CALN1: variants seen among roughly 807,000 people sequenced by gnomAD.
The protein encoded by CALN1 is calcium-binding protein 8.
Under a neutral mutation model 30.6 loss-of-function variants are expected in CALN1, and 17 were observed. That is an observed-to-expected ratio of 0.56 (90% CI 0.38 to 0.83). CALN1 has a LOEUF of 0.83. Among genes scored for constraint, CALN1 ranks in the 40% least tolerant of loss-of-function variants. CALN1 has a pLI of 0.00. For missense variants in CALN1, 291 were observed against 354.9 expected, an observed-to-expected ratio of 0.82 and a Z score of 1.45; for synonymous variants, 156 against 131.4, an observed-to-expected ratio of 1.19 and a Z score of -1.28.
At chr7:71,888,096 G>T (rs1005454851) in intron 5 of CALN1, among the ~76,000 whole-genome samples, 2 of 152,102 alleles carry the variant, frequency 1.3e-5, no homozygotes, top group Admixed American at 6.5e-5. Context: ...AAAAGCATAG[G>T]ATGGAATAAG....
At chr7:72,204,211 G>A (rs1308843984) in intron 3 of CALN1, among the ~76,000 whole-genome samples, 1 of 150,602 alleles carries the variant, frequency 6.6e-6, no homozygotes, top group East Asian at 2.0e-4. Flanking sequence ...TAGCCAGGAT[G>A]GTCTCCATCT....
chr7:72,121,145 A>G (rs2129542214), intron 3 of CALN1, among the ~76,000 whole-genome samples: 1 of 145,748 alleles, frequency 6.9e-6, no homozygotes, highest in Admixed American at 7.0e-5. Flanking sequence ...TATGAATTAT[A>G]TATTATATAT....
At chr7:72,113,684 C>A (rs1807735836) in intron 3 of CALN1, among the ~76,000 whole-genome samples, 1 of 152,212 alleles carries the variant, frequency 6.6e-6, no homozygotes, top group African/African-American at 2.4e-5. Flanking sequence ...CACTGGTTGT[C>A]TATTTTCTCC....
chr7:71,852,872 T>C (rs1419264216), intron 5 of CALN1, among the ~76,000 whole-genome samples: 2 of 152,250 alleles, frequency 1.3e-5, no homozygotes, highest in African/African-American at 4.8e-5. Context: ...TCTTGTGAAA[T>C]AACTAGATGT....
At chr7:72,012,025 G>C (rs1460410389) in intron 5 of CALN1, among the ~76,000 whole-genome samples, 1 of 152,098 alleles carries the variant, frequency 6.6e-6, no homozygotes, top group African/African-American at 2.4e-5. Context: ...AGGATAAGTA[G>C]ATTGAATAAA....
Position 71,957,830 on chromosome 7 carries a change from C to T in CALN1, c.501+65827G>A, listed in dbSNP as rs553162999. Among the ~76,000 whole-genome samples, 12 of 151,886 alleles carry T rather than the reference C, an allele frequency of 7.9e-5. No homozygotes were observed. The South Asian group carries it at 1.9e-3, about 24-fold the overall frequency. On this transcript the variant is annotated intron_variant, in intron 5 of 6. Transcript: ENST00000395275. ...TTCTAATCCCAGCACTTTGGGAGGC[C>T]GAAGCAGGCAGATCACCTGGGGTCA...
chr7:71,944,234 C>T (rs1796283217), intron 5 of CALN1, among the ~76,000 whole-genome samples: 2 of 152,048 alleles, frequency 1.3e-5, no homozygotes, highest in Non-Finnish European at 1.5e-5. Flanking sequence ...ATCACTTGAG[C>T]CCAGGAGTTC....
At chr7:72,096,614 C>T (rs1806252917) in intron 4 of CALN1, among the ~76,000 whole-genome samples, 2 of 152,144 alleles carry the variant, frequency 1.3e-5, no homozygotes. Flanking sequence ...CCTGGTTCGA[C>T]TGTTTCAGGA....
intron 4 of CALN1, among the ~76,000 whole-genome samples, chr7:72,094,689 T>C (rs953305344): frequency 2.6e-5 from 4 of 152,146 alleles, no homozygotes; most frequent in African/African-American, 9.7e-5. Context: ...GGGCATACTG[T>C]AGAAGACAGA....
chr7:71,948,750 A>AGAG (rs1562928434), intron 5 of CALN1, among the ~76,000 whole-genome samples: 8 of 143,852 alleles, frequency 5.6e-5, no homozygotes, highest in African/African-American at 1.8e-4. Flanking sequence ...AAAAATAATA[A>AGAG]TTTGTTTTCA....
At chr7:72,216,378 G>T (rs563661627) in intron 3 of CALN1, among the ~76,000 whole-genome samples, 4 of 151,642 alleles carry the variant, frequency 2.6e-5, no homozygotes, top group African/African-American at 9.7e-5. Flanking sequence ...TTGTACCACT[G>T]CACTCCAGCC....
At chr7:72,060,766 C>T (rs367964322) in intron 4 of CALN1, among the ~76,000 whole-genome samples, 3 of 152,146 alleles carry the variant, frequency 2.0e-5, no homozygotes, top group Admixed American at 6.5e-5. Flanking sequence ...CTGGGATCTC[C>T]CCCGTCTCTC....
chr7:72,146,243 C>T (rs1786710825), intron 3 of CALN1, among the ~76,000 whole-genome samples: 1 of 152,186 alleles, frequency 6.6e-6, no homozygotes. Context: ...AGCCCAAAAT[C>T]TCCTTAAGCT....
At chr7:72,111,153 T>C (rs574903861) in intron 3 of CALN1, among the ~76,000 whole-genome samples, 1 of 152,306 alleles carries the variant, frequency 6.6e-6, no homozygotes, top group African/African-American at 2.4e-5. Flanking sequence ...CGTTAGACAC[T>C]AGTATGCCAA....
chr7:72,194,592 CTTTTTTT>C (rs1181135798), intron 3 of CALN1, among the ~76,000 whole-genome samples: 5 of 115,686 alleles, frequency 4.3e-5, no homozygotes, highest in Admixed American at 1.9e-4. Context: ...TAACTGGCCT[CTTTTTTT>C]TTTTTTTTTT....
At chr7:72,189,805 TG>T (rs1276333329) in intron 3 of CALN1, among the ~76,000 whole-genome samples, 1 of 151,466 alleles carries the variant, frequency 6.6e-6, no homozygotes, top group Non-Finnish European at 1.5e-5. Context: ...TGTATGGAGA[TG>T]ATTTTTCATC....
chr7:71,847,796 AAAG>A (rs1271414100), intron 5 of CALN1, among the ~76,000 whole-genome samples: 6 of 143,196 alleles, frequency 4.2e-5, no homozygotes, highest in East Asian at 4.2e-4. Flanking sequence ...AAGAAGAAGA[AAAG>A]AAGAAAAGAA....
intron 5 of CALN1, among the ~76,000 whole-genome samples, chr7:71,884,124 A>G (rs187137930): frequency 6.6e-6 from 1 of 152,258 alleles, no homozygotes; most frequent in Admixed American, 6.5e-5. Context: ...CATGTTGGCC[A>G]GGATGGTCTT....
chr7:71,996,877 A>G (rs1328271925), intron 5 of CALN1, among the ~76,000 whole-genome samples: 2 of 152,216 alleles, frequency 1.3e-5, no homozygotes, highest in African/African-American at 4.8e-5. Flanking sequence ...CAACAAGTAA[A>G]TAAGAGTTAT....
Sources: gnomAD v4.1 joint callset for allele counts (sites outside exome capture counted in the v4.1 genomes callset) on GRCh38, gnomAD v4.1.1 for gene constraint, MANE v1.5 for transcripts, NCBI Gene and HGNC (gene_info 2026-07-23, HGNC 2026-07-21) for gene names.